The following ODAD2 variants were observed in gnomAD, a reference collection of about 807,000 sequenced individuals.
The protein encoded by ODAD2 is outer dynein arm docking complex subunit 2, also known as outer dynein arm-docking complex subunit 2.
ODAD2 carries 89 observed loss-of-function variants against 106.8 expected under a neutral mutation model. The observed-to-expected ratio is 0.83, with a 90% CI of 0.70 to 0.99. The LOEUF (loss-of-function observed/expected upper bound fraction) is 0.99, where lower values mean the gene tolerates loss of function less well. Ranked by LOEUF, ODAD2 falls within the 50% of genes least tolerant of loss-of-function variation. The pLI is 0.00. For missense variants in ODAD2, 1,168 were observed against 1,238.5 expected (o/e 0.94, Z 0.85); for synonymous variants, 404 against 436.2 (o/e 0.93, Z 0.92).
intron 14 of ODAD2, among the ~76,000 whole-genome samples, chr10:27,937,682 G>A (rs1402462087): frequency 6.6e-6 from 1 of 152,142 alleles, no homozygotes; most frequent in Non-Finnish European, 1.5e-5. Context: ...GATGCCATGT[G>A]ATCCAGATAT....
At chr10:27,935,564 A>G (rs1282737327) in intron 15 of ODAD2, among the ~76,000 whole-genome samples, 1 of 152,088 alleles carries the variant, frequency 6.6e-6, no homozygotes, top group East Asian at 1.9e-4. Context: ...CTTTACCTGA[A>G]TGAAGTCTTC....
chr10:27,885,533 A>AAAAAATAT (rs1564465174), intron 17 of ODAD2, among the ~76,000 whole-genome samples: 1 of 14,620 alleles, frequency 6.8e-5, no homozygotes, highest in Non-Finnish European at 1.1e-4. Flanking sequence ...AAAAAAAAAA[A>AAAAAATAT]ATATATATAT....
intron 19 of ODAD2, among the ~76,000 whole-genome samples, chr10:27,843,789 T>A (rs1384049183): frequency 6.6e-6 from 1 of 151,730 alleles, no homozygotes; most frequent in African/African-American, 2.4e-5. Flanking sequence ...AACAAAAAAC[T>A]TAGCACTGAA....
intron 17 of ODAD2, among the ~76,000 whole-genome samples, chr10:27,883,059 C>A (rs1841855416): frequency 6.6e-6 from 1 of 151,934 alleles, no homozygotes; most frequent in Non-Finnish European, 1.5e-5. Flanking sequence ...TCCTGGGAAT[C>A]TAAAAGGCTA....
At chr10:27,907,034 A>G (rs7077472) in intron 17 of ODAD2, among the ~76,000 whole-genome samples, 100,042 of 151,974 alleles carry the variant, frequency 0.66, 33,329 homozygotes, top group Middle Eastern at 0.73. Flanking sequence ...TTCAACAGGC[A>G]GAAATAACTT....
chr10:27,854,071 A>G (rs1839482388), intron 19 of ODAD2, among the ~76,000 whole-genome samples: 1 of 152,216 alleles, frequency 6.6e-6, no homozygotes, highest in South Asian at 2.1e-4. Flanking sequence ...AAAGTGGTCA[A>G]AAATGTGAAC....
At chr10:27,933,740 C>G (rs1482433290) in intron 16 of ODAD2, among the ~76,000 whole-genome samples, 1 of 152,174 alleles carries the variant, frequency 6.6e-6, no homozygotes, top group Non-Finnish European at 1.5e-5. Flanking sequence ...AAGTGCGTTT[C>G]AAAAACATAA....
chr10:27,914,996 CAG>C (rs987363787), intron 16 of ODAD2, among the ~76,000 whole-genome samples: 1 of 151,852 alleles, frequency 6.6e-6, no homozygotes, highest in Non-Finnish European at 1.5e-5. Flanking sequence ...AAGAAGAAGA[CAG>C]AGAGAGAATG....
intron 19 of ODAD2, among the ~76,000 whole-genome samples, chr10:27,820,942 G>A (rs907745270): frequency 4.6e-5 from 7 of 151,770 alleles, no homozygotes; most frequent in East Asian, 3.9e-4. Flanking sequence ...CCACCACACC[G>A]GCTAATTTTG....
At chr10:27,904,293 G>A in intron 17 of ODAD2, 1 of 394,212 alleles carries the variant, frequency 2.5e-6, no homozygotes. Context: ...GGACAAGAAA[G>A]GCAAGGATGC....
At chr10:27,845,311 C>T (rs958779505) in intron 19 of ODAD2, among the ~76,000 whole-genome samples, 13 of 152,210 alleles carry the variant, frequency 8.5e-5, no homozygotes, top group Non-Finnish European at 1.6e-4. Context: ...ATTTCATAGC[C>T]AGCCAAACTA....
In ODAD2 at chr10:27,867,450, T is replaced by C. The variant is rs148855743; in HGVS notation, c.2611-4828A>G. On this transcript the variant is annotated intron_variant, in intron 17 of 19. Coordinates refer to ENST00000305242, the MANE Select transcript of ODAD2 (RefSeq NM_018076.5). The stretch of plus-strand genomic sequence containing the variant: ...TGCACAGAAGAGAAACTACACGGAA[T>C]AGCATCATCCAAATTGAGCAACGCA... Among the ~76,000 whole-genome samples, 40 of 152,180 alleles carry C rather than the reference T, an allele frequency of 2.6e-4. No homozygotes were observed. The East Asian group carries it at 7.0e-3, about 26-fold the overall frequency.
intron 16 of ODAD2, among the ~76,000 whole-genome samples, chr10:27,909,595 A>G (rs1389157548): frequency 6.6e-6 from 1 of 152,080 alleles, no homozygotes; most frequent in African/African-American, 2.4e-5. Flanking sequence ...AGGCAGGCAG[A>G]TCACTTGAGG....
At chr10:27,963,484 A>T (rs1027794478) in intron 9 of ODAD2, among the ~76,000 whole-genome samples, 6 of 152,234 alleles carry the variant, frequency 3.9e-5, no homozygotes, top group Admixed American at 2.0e-4. Flanking sequence ...TCACATATTA[A>T]GGTGTCCTTA....
chr10:27,955,627 A>C (rs1031950472), intron 10 of ODAD2, among the ~76,000 whole-genome samples: 11 of 152,110 alleles, frequency 7.2e-5, no homozygotes, highest in African/African-American at 2.4e-4. Flanking sequence ...TGCAAAGTAC[A>C]TCAAATTCCT....
chr10:27,995,947 T>C (rs1256625229), intron 1 of ODAD2, among the ~76,000 whole-genome samples: 1 of 152,212 alleles, frequency 6.6e-6, no homozygotes, highest in East Asian at 1.9e-4. Flanking sequence ...TTCAGCCTTT[T>C]TATCTAAATT....
rs1373420130 is a variant in ODAD2 at position 27,994,942 on chromosome 10, T to G, written c.201A>C (p.Ala67=). Residue 67 remains alanine, a synonymous_variant, in exon 2 of 20, where the codon GCA becomes GCC. Coordinates refer to ENST00000305242, the MANE Select transcript of ODAD2 (RefSeq NM_018076.5). Reference sequence around the variant, plus strand: ...ACCTGACAACATAACCTGATTCAAATGCTGAGGGCGCCAAACTTGTGTTCC... The same window carrying G: ...ACCTGACAACATAACCTGATTCAAAGGCTGAGGGCGCCAAACTTGTGTTCC... ...LEWNTSLAPS[A]FESGYVVSET... is the part of the protein sequence containing the mutation. 6.2e-7 allele frequency: 1 copy of G among 1,614,174 alleles called. No individual in the cohort carries two copies. The highest frequency in any genetic ancestry group is 2.2e-5 in the East Asian group (1 of 44,890).
Position 27,971,375 on chromosome 10 carries a change from A to T in ODAD2, c.937-62T>A. On this transcript the variant is annotated intron_variant, in intron 7 of 19. Transcript: ENST00000305242. ...CTGAATTATCTAGTGTTCTCTGAAG[A>T]TTAATGCCAGTGGTAAATTCAGGAA... is the stretch of plus-strand genomic sequence containing the variant. 2.2e-6 allele frequency: 3 copies of T among 1,356,352 alleles called. No homozygotes were observed. In the South Asian group the frequency reaches 4.5e-5, roughly 20 times the overall value. 84.0% of individuals were successfully genotyped at this position (1,356,352 alleles called of 1,614,324 possible).
At chr10:27,992,397 C>A (rs1850284845) in intron 2 of ODAD2, among the ~76,000 whole-genome samples, 2 of 152,172 alleles carry the variant, frequency 1.3e-5, no homozygotes, top group African/African-American at 4.8e-5. Context: ...TGCATAAAGA[C>A]TGCATGCAGA....
Sources: allele counts gnomAD v4.1 joint callset (sites outside exome capture counted in the v4.1 genomes callset), GRCh38; gene constraint gnomAD v4.1.1; transcripts MANE v1.5; gene names NCBI Gene and HGNC (gene_info 2026-07-23, HGNC 2026-07-21).